PHF20: variants seen among roughly 807,000 people sequenced by gnomAD.
PHF20 encodes the protein glioma-expressed antigen 2.
A neutral mutation model predicts 113.5 loss-of-function variants in PHF20; 23 were observed. The ratio of observed to expected loss-of-function variants is 0.20; its 90% confidence interval spans 0.15 to 0.29. The LOEUF is 0.29. Ranked by LOEUF, PHF20 falls within the 10% of genes least tolerant of loss-of-function variation. PHF20 has a pLI of 1.00. For synonymous variants in PHF20, 434 were observed against 457.3 expected, an observed-to-expected ratio of 0.95 and a Z score of 0.65; for missense variants, 943 against 1,219.6, an observed-to-expected ratio of 0.77 and a Z score of 3.38.
intron 9 of PHF20, among the ~76,000 whole-genome samples, chr20:35,898,384 C>G (rs533295836): frequency 6.6e-6 from 1 of 152,256 alleles, no homozygotes; most frequent in East Asian, 1.9e-4. Flanking sequence ...AAATGTAAGT[C>G]TGATCCAACT....
intron 2 of PHF20, among the ~76,000 whole-genome samples, chr20:35,826,125 A>T (rs2042257554): frequency 6.6e-6 from 1 of 151,474 alleles, no homozygotes; most frequent in African/African-American, 2.4e-5. Context: ...GCTTACTGCA[A>T]CCTCCGCCTC....
intron 1 of PHF20, among the ~76,000 whole-genome samples, chr20:35,791,693 C>T (rs530887041): frequency 2.0e-5 from 3 of 151,602 alleles, no homozygotes; most frequent in Admixed American, 6.6e-5. Flanking sequence ...GGAGCTCTGT[C>T]AAGAGCTGCT....
intron 5 of PHF20, among the ~76,000 whole-genome samples, chr20:35,860,030 C>T (rs989005289): frequency 2.6e-5 from 4 of 152,144 alleles, no homozygotes; most frequent in South Asian, 2.1e-4. Flanking sequence ...AAGTGATTCT[C>T]GTCTCAGCCT....
chr20:35,868,986 G>T (rs1330198825), intron 6 of PHF20, among the ~76,000 whole-genome samples: 1 of 151,758 alleles, frequency 6.6e-6, no homozygotes, highest in African/African-American at 2.4e-5. Context: ...ACCTACTCCG[G>T]AGGCTGAGGC....
chr20:35,809,915 G>A (rs568297173), intron 2 of PHF20, among the ~76,000 whole-genome samples: 57 of 152,198 alleles, frequency 3.7e-4, no homozygotes, highest in Non-Finnish European at 1.2e-4. Context: ...GTCAAACCAA[G>A]GACAGTTTGT....
At chr20:35,834,083 T>TAAATAAAA (rs1555791543) in intron 2 of PHF20, among the ~76,000 whole-genome samples, 2,000 of 150,756 alleles carry the variant, frequency 0.013, 21 homozygotes, top group Middle Eastern at 0.048. Flanking sequence ...AATAAATAAA[T>TAAATAAAA]AAAAAGGCGG....
At position 35,801,078 on chromosome 20, in the gene PHF20, TC is replaced by T. The variant is rs1289688923; in HGVS notation, c.-32-409del. Among the ~76,000 whole-genome samples the T allele has an allele frequency of 5.9e-5, 9 of 152,332 alleles. No homozygotes were observed. The South Asian group carries it at 1.0e-3, about 18-fold the overall frequency. ...AGTTTGCTGGCTAAATTTTTGTGTT[TC>T]CCCGGTAGACTGAAGGGTTCTTGAG... On this transcript the variant is annotated intron_variant, in intron 1 of 17. Coordinates refer to ENST00000374012, the MANE Select transcript of PHF20 (RefSeq NM_016436.5).
chr20:35,935,602 A>G (rs1268307667), intron 15 of PHF20, among the ~76,000 whole-genome samples: 1 of 152,192 alleles, frequency 6.6e-6, no homozygotes, highest in East Asian at 1.9e-4. Context: ...CCTGGGCTCA[A>G]GTGCTTTGTC....
At chr20:35,882,481 G>A (rs937851403) in intron 9 of PHF20, among the ~76,000 whole-genome samples, 3 of 152,342 alleles carry the variant, frequency 2.0e-5, no homozygotes, top group Middle Eastern at 3.4e-3. Flanking sequence ...AGGCTGGAGT[G>A]TAATGGCATG....
intron 9 of PHF20, among the ~76,000 whole-genome samples, chr20:35,879,734 T>C (rs574181044): frequency 1.8e-4 from 27 of 148,926 alleles, no homozygotes; most frequent in Non-Finnish European, 3.7e-4. Context: ...AAAAAACAAA[T>C]TGACCTCTTC....
intron 1 of PHF20, among the ~76,000 whole-genome samples, chr20:35,790,441 T>TC (rs1190018278): frequency 6.6e-6 from 1 of 152,100 alleles, no homozygotes; most frequent in African/African-American, 2.4e-5. Flanking sequence ...CCTCAGGTGA[T>TC]CCGCCTGCCT....
intron 1 of PHF20, among the ~76,000 whole-genome samples, chr20:35,783,907 C>T (rs2041353487): frequency 6.7e-6 from 1 of 149,312 alleles, no homozygotes; most frequent in Non-Finnish European, 1.5e-5. Context: ...ATCGCTTGAA[C>T]CCAGGAGGCG....
intron 2 of PHF20, among the ~76,000 whole-genome samples, chr20:35,808,063 C>T (rs1297290701): frequency 6.6e-6 from 1 of 152,122 alleles, no homozygotes; most frequent in Non-Finnish European, 1.5e-5. Context: ...GTAATGGGTA[C>T]ATGAGTCTTT....
chr20:35,942,885 G>C (rs1300730564), intron 17 of PHF20, among the ~76,000 whole-genome samples: 1 of 151,640 alleles, frequency 6.6e-6, no homozygotes, highest in African/African-American at 2.4e-5. Flanking sequence ...GTGCAGTGGT[G>C]CCATCTCAGC....
At chr20:35,902,290 A>T (rs1037304309) in intron 10 of PHF20, among the ~76,000 whole-genome samples, 1 of 152,212 alleles carries the variant, frequency 6.6e-6, no homozygotes, top group African/African-American at 2.4e-5. Flanking sequence ...CAGTAGAAAT[A>T]GCAGGTGCTG....
At chr20:35,846,182 ATT>A (rs568517729) in intron 3 of PHF20, among the ~76,000 whole-genome samples, 3 of 143,070 alleles carry the variant, frequency 2.1e-5, no homozygotes, top group African/African-American at 5.1e-5. Flanking sequence ...CATTCTACAA[ATT>A]TTTTTTTTTT....
At chr20:35,786,057 A>G (rs6142443) in intron 1 of PHF20, among the ~76,000 whole-genome samples, 1 of 149,224 alleles carries the variant, frequency 6.7e-6, no homozygotes, top group South Asian at 2.1e-4. Flanking sequence ...AAAAAAAAAA[A>G]CAAATCTTGT....
At chr20:35,821,897 G>A (rs995260099) in intron 2 of PHF20, among the ~76,000 whole-genome samples, 1 of 152,126 alleles carries the variant, frequency 6.6e-6, no homozygotes, top group African/African-American at 2.4e-5. Context: ...ATGACTCCAA[G>A]GGCTTTTTCT....
intron 13 of PHF20, among the ~76,000 whole-genome samples, chr20:35,918,847 G>A (rs1406325978): frequency 2.6e-5 from 4 of 152,138 alleles, no homozygotes; most frequent in African/African-American, 9.7e-5. Flanking sequence ...CGTTAATGGG[G>A]GTTCAGGGAT....
Sources: allele counts gnomAD v4.1 joint callset (sites outside exome capture counted in the v4.1 genomes callset), GRCh38; gene constraint gnomAD v4.1.1; transcripts MANE v1.5; gene names NCBI Gene and HGNC (gene_info 2026-07-23, HGNC 2026-07-21).